Variants in CCDC178 observed in about 807,000 individuals in gnomAD.
CCDC178 encodes the protein coiled-coil domain containing 178.
Under a neutral mutation model 117.4 loss-of-function variants are expected in CCDC178, and 126 were observed. The observed-to-expected ratio is 1.07, with a 90% confidence interval of 0.93 to 1.24. The LOEUF is 1.24. CCDC178 is among the 50% of genes most tolerant of loss of function. CCDC178 has a pLI of 0.00. For synonymous variants in CCDC178, 283 were observed against 313.4 expected, an observed-to-expected ratio of 0.90 and a Z score of 1.02; for missense variants, 1,030 against 986.9, an observed-to-expected ratio of 1.04 and a Z score of -0.59.
chr18:32,997,516 G>C (rs2055538333), intron 21 of CCDC178, among the ~76,000 whole-genome samples: 4 of 152,016 alleles, frequency 2.6e-5, no homozygotes, highest in Admixed American at 2.6e-4. Flanking sequence ...TGAAGATTTT[G>C]GATTTGCCAG....
chr18:33,414,172 C>A (rs1012190929), intron 2 of CCDC178, among the ~76,000 whole-genome samples: 2 of 152,192 alleles, frequency 1.3e-5, no homozygotes, highest in South Asian at 4.2e-4. Context: ...AATGTCAAAA[C>A]TAAAAATAAT....
chr18:33,090,049 A>G (rs578076654), intron 21 of CCDC178, among the ~76,000 whole-genome samples: 35 of 152,184 alleles, frequency 2.3e-4, no homozygotes, highest in Non-Finnish European at 4.1e-4. Flanking sequence ...ACAAATTTTA[A>G]AAGTACAGGA....
At chr18:33,094,965 C>T (rs1053848792) in intron 20 of CCDC178, among the ~76,000 whole-genome samples, 10 of 151,780 alleles carry the variant, frequency 6.6e-5, no homozygotes, top group Admixed American at 3.3e-4. Flanking sequence ...AGTATTCATT[C>T]GACACTGAAA....
rs78533290 is a variant in CCDC178, at chr18:33,251,970, T to C, written c.1410-6542A>G. Among the ~76,000 whole-genome samples, 736 of 151,820 alleles carry C rather than the reference T, an allele frequency of 4.8e-3. 5 individuals carry two copies. Among genetic ancestry groups the C allele is most frequent in the African/African-American group, 0.017 (704 of 41,474 alleles). On this transcript the variant is annotated intron_variant, in intron 14 of 22. Transcript: ENST00000383096. ...TGTGCTTATTTTGATCCAATGTAACTAGGTTCTGTAAGAAGGGAAAGAAGG... is the reference window on the plus strand; with the variant it reads ...TGTGCTTATTTTGATCCAATGTAACCAGGTTCTGTAAGAAGGGAAAGAAGG...
At chr18:33,176,472 A>C (rs960912824) in intron 20 of CCDC178, among the ~76,000 whole-genome samples, 1 of 152,180 alleles carries the variant, frequency 6.6e-6, no homozygotes, top group African/African-American at 2.4e-5. Flanking sequence ...TATTTCACTC[A>C]GTAAATAAGA....
intron 21 of CCDC178, among the ~76,000 whole-genome samples, chr18:33,022,175 C>T (rs1473390257): frequency 6.6e-6 from 1 of 152,088 alleles, no homozygotes; most frequent in Non-Finnish European, 1.5e-5. Flanking sequence ...TTGCCCTTTG[C>T]TCTCAAATCT....
At chr18:33,127,805 C>T (rs1424543636) in intron 20 of CCDC178, among the ~76,000 whole-genome samples, 1 of 152,072 alleles carries the variant, frequency 6.6e-6, no homozygotes, top group Non-Finnish European at 1.5e-5. Flanking sequence ...ATTTAGTAGT[C>T]AAGTTTGGAG....
intron 2 of CCDC178, among the ~76,000 whole-genome samples, chr18:33,423,329 G>A (rs2064058338): frequency 6.6e-6 from 1 of 151,878 alleles, no homozygotes; most frequent in African/African-American, 2.4e-5. Flanking sequence ...GTGTAGTGTT[G>A]GGTTAGCTTT....
chr18:33,056,588 G>T (rs1167959475), intron 21 of CCDC178, among the ~76,000 whole-genome samples: 1 of 152,184 alleles, frequency 6.6e-6, no homozygotes, highest in Non-Finnish European at 1.5e-5. Flanking sequence ...TAATAAAAGT[G>T]AGAAGATTGA....
intron 22 of CCDC178, among the ~76,000 whole-genome samples, chr18:32,949,417 G>A (rs11081791): frequency 0.95 from 144,527 of 152,162 alleles, 68,857 homozygotes; most frequent in Non-Finnish European, 0.99. Context: ...GCTAACTGGT[G>A]TTCTTCATTT....
At chr18:33,299,343 C>T (rs2062146589) in intron 11 of CCDC178, among the ~76,000 whole-genome samples, 1 of 152,098 alleles carries the variant, frequency 6.6e-6, no homozygotes, top group South Asian at 2.1e-4. Context: ...AAAGAATACA[C>T]TTTGGGGAAA....
At chr18:33,195,127 A>AG (rs1309550752) in intron 20 of CCDC178, among the ~76,000 whole-genome samples, 16 of 143,190 alleles carry the variant, frequency 1.1e-4, no homozygotes, top group East Asian at 4.0e-4. Context: ...TTAAAAAAAA[A>AG]AGAGAGAGAG....
At chr18:32,941,573 A>G (rs2054240506) in intron 22 of CCDC178, among the ~76,000 whole-genome samples, 1 of 152,140 alleles carries the variant, frequency 6.6e-6, no homozygotes, top group Admixed American at 6.6e-5. Context: ...TTTTTAAATG[A>G]AGCAATTAAG....
intron 14 of CCDC178, among the ~76,000 whole-genome samples, chr18:33,251,786 A>C (rs989454472): frequency 3.3e-5 from 5 of 151,588 alleles, no homozygotes; most frequent in African/African-American, 1.2e-4. Context: ...TCTAGGGCCC[A>C]CCAAACCAGG....
In CCDC178 at chr18:33,104,789, T is replaced by A. The variant is rs146099971; in HGVS notation, c.2239-11879A>T. ...GTTGGCCATATATTAATTTGGGTAG[T>A]TATGGTAACAAATGTATGAAATTAA... On this transcript the variant is annotated intron_variant, in intron 20 of 22. Coordinates refer to ENST00000383096, the MANE Select transcript of CCDC178 (RefSeq NM_001105528.4). 2.6e-3 allele frequency among the ~76,000 whole-genome samples: 401 copies of A among 151,854 alleles called. 3 individuals are homozygous for A. The highest frequency in any genetic ancestry group is 9.3e-3 in the African/African-American group (385 of 41,488).
chr18:33,307,873 T>C (rs1308625808), intron 11 of CCDC178, among the ~76,000 whole-genome samples: 2 of 152,194 alleles, frequency 1.3e-5, no homozygotes, highest in African/African-American at 4.8e-5. Flanking sequence ...GGTGCATGGA[T>C]TGAAGAACTG....
rs61298209 is a variant in CCDC178 at position 33,394,943 on chromosome 18, GTATATATATATATA to G, written c.118+2192_118+2205del. 5.6e-3 allele frequency among the ~76,000 whole-genome samples: 347 copies of G among 61,516 alleles called. 2 individuals carry two copies. Among genetic ancestry groups the G allele is most frequent in the East Asian group, 0.013 (26 of 2,050 alleles). The allele number at this position is 61,516 out of a possible 152,430, so 40.4% of individuals were successfully genotyped here. A position where few individuals can be genotyped will look rare whatever the true frequency, so the allele number is the denominator to read the frequency against. On this transcript the variant is annotated intron_variant, in intron 4 of 22. Transcript: ENST00000383096. ...ACTTTAAAAGCCTGTATATGTATGT[GTATATATATATATA>G]TATATATATATATATATATATATAT...
intron 11 of CCDC178, among the ~76,000 whole-genome samples, chr18:33,320,159 C>A (rs1471991685): frequency 4.6e-5 from 7 of 152,132 alleles, no homozygotes; most frequent in Non-Finnish European, 7.3e-5. Flanking sequence ...AAAAACTGGA[C>A]TCATTGCCTT....
At chr18:33,187,753 A>T (rs1187227840) in intron 20 of CCDC178, among the ~76,000 whole-genome samples, 1 of 152,154 alleles carries the variant, frequency 6.6e-6, no homozygotes, top group Non-Finnish European at 1.5e-5. Flanking sequence ...TCTTGAGCAG[A>T]TAGAAGAATC....
Sources: gnomAD v4.1 joint callset for allele counts (sites outside exome capture counted in the v4.1 genomes callset) on GRCh38, gnomAD v4.1.1 for gene constraint, MANE v1.5 for transcripts, NCBI Gene and HGNC (gene_info 2026-07-23, HGNC 2026-07-21) for gene names.